Variants in TMEM116 observed in about 807,000 individuals in gnomAD.
The protein encoded by TMEM116 is transmembrane protein 116.
Under a neutral mutation model 44.3 loss-of-function variants are expected in TMEM116, and 38 were observed. That is an observed-to-expected ratio of 0.86 (90% confidence interval 0.66 to 1.12). The LOEUF (loss-of-function observed/expected upper bound fraction) is 1.12. Ranked by LOEUF, TMEM116 falls within the 50% of genes most tolerant of loss-of-function variation. The probability of loss-of-function intolerance (pLI) is 0.00; values close to 1 mark genes in which losing one functional copy is unlikely to be tolerated. For missense variants in TMEM116, 354 were observed against 401.7 expected, an observed-to-expected ratio of 0.88 and a Z score of 1.01; for synonymous variants, 132 against 144.8, an observed-to-expected ratio of 0.91 and a Z score of 0.64.
chr12:111,939,383 G>T (rs1404550607), intron 5 of TMEM116, among the ~76,000 whole-genome samples: 1 of 151,476 alleles, frequency 6.6e-6, no homozygotes, highest in South Asian at 2.1e-4. Flanking sequence ...AACCCGGGAG[G>T]TGGAGGTTGC....
chr12:111,995,867 C>A (rs534557711), intron 3 of TMEM116, among the ~76,000 whole-genome samples: 7 of 151,132 alleles, frequency 4.6e-5, no homozygotes, highest in Non-Finnish European at 1.5e-5. Context: ...TCCATCTCTA[C>A]AAATAAAATA....
At chr12:111,933,491 T>TC in intron 9 of TMEM116, among the ~76,000 whole-genome samples, 1 of 143,488 alleles carries the variant, frequency 7.0e-6, no homozygotes, top group Non-Finnish European at 1.5e-5. Flanking sequence ...CCATCCTTCT[T>TC]TTTTTTTTTT....
At chr12:111,960,185 G>A (rs2074471249) in intron 4 of TMEM116, among the ~76,000 whole-genome samples, 1 of 152,066 alleles carries the variant, frequency 6.6e-6, no homozygotes, top group Non-Finnish European at 1.5e-5. Context: ...TAGAACTCAG[G>A]ATTAAGAAAC....
intron 4 of TMEM116, among the ~76,000 whole-genome samples, chr12:111,972,076 G>GAAAAAAA (rs762088997): frequency 1.7e-5 from 1 of 57,532 alleles, no homozygotes; most frequent in African/African-American, 6.3e-5. Context: ...CCCTATCTGT[G>GAAAAAAA]AAAAAAAAAA....
In TMEM116 at chr12:111,992,365, G is replaced by C. The variant is rs11066115; in HGVS notation, c.79-476C>G. ...GCTCATTGCAAGCTCTGCCTCCTGGGTTCACACCATTCTCCTGCCTCAGCC... is the reference window on the plus strand; with the variant it reads ...GCTCATTGCAAGCTCTGCCTCCTGGCTTCACACCATTCTCCTGCCTCAGCC... On this transcript the variant is annotated intron_variant, in intron 3 of 10. Transcript: ENST00000552374. Among the ~76,000 whole-genome samples, 8,349 of 151,868 alleles carry C rather than the reference G, an allele frequency of 0.055. 1,285 individuals carry two copies. The East Asian group carries it at 0.61, about 11-fold the overall frequency.
chr12:111,948,178 C>T lies in TMEM116; in HGVS notation c.211-4809G>A, dbSNP rs138297403. Among the ~76,000 whole-genome samples the T allele has an allele frequency of 4.3e-4, 66 of 152,332 alleles. 1 individual carries two copies. Among genetic ancestry groups the T allele is most frequent in the Middle Eastern group, 3.4e-3 (1 of 294 alleles). On this transcript the variant is annotated intron_variant, in intron 4 of 10. Transcript: ENST00000552374. ...ATTTACATATAAGCACTGAGTTCAG[C>T]TAGAAGCCTTGAAACTTATATTCCT... is the stretch of plus-strand genomic sequence containing the variant.
intron 4 of TMEM116, chr12:111,978,754 A>G: frequency 2.2e-6 from 1 of 444,898 alleles, no homozygotes; most frequent in East Asian, 7.3e-5. Flanking sequence ...AGATCTGCTG[A>G]TTATCTTAAT....
At chr12:111,974,731 G>A (rs978974849) in intron 4 of TMEM116, among the ~76,000 whole-genome samples, 1 of 151,564 alleles carries the variant, frequency 6.6e-6, no homozygotes, top group Admixed American at 6.6e-5. Context: ...TTTATTTGTA[G>A]ACAACATGAT....
intron 4 of TMEM116, among the ~76,000 whole-genome samples, chr12:111,991,217 CA>C (rs59103081): frequency 0.059 from 3,712 of 62,662 alleles, 79 homozygotes; most frequent in East Asian, 0.34. Context: ...GACTCTGTCT[CA>C]AAAAAAAAAA....
intron 3 of TMEM116, chr12:112,000,899 C>A: frequency 4.8e-6 from 2 of 419,032 alleles, no homozygotes; most frequent in South Asian, 1.8e-5. Context: ...AGCCAATGTT[C>A]TTGAGGAATT....
At chr12:111,984,836 TAA>T (rs958035783) in intron 4 of TMEM116, among the ~76,000 whole-genome samples, 1 of 150,378 alleles carries the variant, frequency 6.6e-6, no homozygotes, top group Non-Finnish European at 1.5e-5. Flanking sequence ...CCCACAAAAT[TAA>T]AAAAAAAATT....
intron 4 of TMEM116, among the ~76,000 whole-genome samples, chr12:111,963,982 T>A (rs1221812802): frequency 6.6e-6 from 1 of 152,120 alleles, no homozygotes; most frequent in Non-Finnish European, 1.5e-5. Context: ...GTTATGGTAG[T>A]TGTTTTTAAA....
intron 1 of TMEM116, chr12:112,005,719 T>C (rs2077542862): frequency 2.0e-6 from 2 of 983,676 alleles, no homozygotes; most frequent in South Asian, 9.4e-5. Flanking sequence ...GTAGAGTGGG[T>C]AGAAAAAGTT....
intron 3 of TMEM116, among the ~76,000 whole-genome samples, chr12:111,999,736 A>T (rs2077148318): frequency 1.3e-5 from 2 of 152,200 alleles, no homozygotes; most frequent in East Asian, 3.8e-4. Context: ...CAATCCCACA[A>T]GATGATTTGA....
At position 111,960,491 on chromosome 12, in the gene TMEM116, C is replaced by CAA. The variant is rs545322547; in HGVS notation, c.211-17124_211-17123dup. Among the ~76,000 whole-genome samples the CAA allele has an allele frequency of 4.3e-3, 122 of 28,562 alleles. 9 individuals are homozygous for CAA. Among genetic ancestry groups the CAA allele is most frequent in the African/African-American group, 0.011 (95 of 8,452 alleles). The allele number at this position is 28,562 out of a possible 152,430, so 18.7% of individuals were successfully genotyped here. ...TGGGCGACAGAGCAAGACTCCGTCT[C>CAA]AAAAAAAAAAAAAAAAAAAAAAAAA... On this transcript the variant is annotated intron_variant, in intron 4 of 10. Coordinates refer to ENST00000552374, the MANE Select transcript of TMEM116 (RefSeq NM_001193531.2).
At chr12:111,947,830 T>C (rs2073405150) in intron 4 of TMEM116, among the ~76,000 whole-genome samples, 1 of 152,180 alleles carries the variant, frequency 6.6e-6, no homozygotes, top group African/African-American at 2.4e-5. Context: ...AATTAATAAA[T>C]CTGCAAAACT....
At chr12:111,962,417 C>A (rs1426473894) in intron 4 of TMEM116, among the ~76,000 whole-genome samples, 2 of 152,164 alleles carry the variant, frequency 1.3e-5, no homozygotes, top group African/African-American at 2.4e-5. Flanking sequence ...TCAAACTATA[C>A]TACAAAGCTA....
At chr12:111,993,963 G>A in intron 3 of TMEM116, 2 of 611,010 alleles carry the variant, frequency 3.3e-6, no homozygotes, top group Non-Finnish European at 6.4e-6. Flanking sequence ...CTGCACTACA[G>A]TAGTTTATCT....
intron 4 of TMEM116, among the ~76,000 whole-genome samples, chr12:111,964,117 T>C (rs1377796144): frequency 6.7e-6 from 1 of 148,780 alleles, no homozygotes; most frequent in African/African-American, 2.5e-5. Context: ...TTCTCTACTA[T>C]ATCACCTGAA....
Sources: gnomAD v4.1 joint callset for allele counts (sites outside exome capture counted in the v4.1 genomes callset) on GRCh38, gnomAD v4.1.1 for gene constraint, MANE v1.5 for transcripts, NCBI Gene and HGNC (gene_info 2026-07-23, HGNC 2026-07-21) for gene names.